Variants in MYT1L observed in about 807,000 individuals in gnomAD.
MYT1L encodes the protein myelin transcription factor 1-like protein.
In MYT1L, 12 loss-of-function variants were observed where a neutral mutation model predicts 126.7. That is an observed-to-expected ratio of 0.09 (90% CI 0.06 to 0.15). The LOEUF (loss-of-function observed/expected upper bound fraction) is 0.15. Ranked by LOEUF, MYT1L falls within the 10% of genes least tolerant of loss-of-function variation. MYT1L has a pLI of 1.00. For synonymous variants in MYT1L, 541 were observed against 604.2 expected, an observed-to-expected ratio of 0.90 and a Z score of 1.53; for missense variants, 979 against 1,585.2, an observed-to-expected ratio of 0.62 and a Z score of 6.49.
At chr2:2,095,299 C>G (rs2077326523) in intron 3 of MYT1L, among the ~76,000 whole-genome samples, 1 of 152,230 alleles carries the variant, frequency 6.6e-6, no homozygotes, top group African/African-American at 2.4e-5. Context: ...TGCCAACTCT[C>G]CTTTCTCTCT....
At chr2:2,251,357 C>G (rs1033159129) in intron 2 of MYT1L, among the ~76,000 whole-genome samples, 58 of 152,318 alleles carry the variant, frequency 3.8e-4, no homozygotes, top group African/African-American at 1.3e-3. Context: ...AGGCTTCACT[C>G]TCCTGCCCTT....
chr2:2,148,352 C>T (rs1009125201), intron 3 of MYT1L, among the ~76,000 whole-genome samples: 2 of 152,182 alleles, frequency 1.3e-5, no homozygotes, highest in Non-Finnish European at 2.9e-5. Context: ...CCCTCCTATG[C>T]TCAGTTCACA....
intron 18 of MYT1L, among the ~76,000 whole-genome samples, chr2:1,875,017 A>G (rs1427939829): frequency 3.3e-5 from 5 of 152,170 alleles, no homozygotes; most frequent in Non-Finnish European, 7.3e-5. Flanking sequence ...TGTTTGGTGC[A>G]GATAAGTATA....
At chr2:2,177,521 A>G (rs2090946042) in intron 2 of MYT1L, among the ~76,000 whole-genome samples, 1 of 152,164 alleles carries the variant, frequency 6.6e-6, no homozygotes, top group Non-Finnish European at 1.5e-5. Flanking sequence ...CTGTTCTCAC[A>G]CTGCTAGAAA....
At position 2,114,648 on chromosome 2, in the gene MYT1L, A is replaced by G. The variant is rs559226932; in HGVS notation, c.-304+58224T>C. ...GATTTTAGTTTACTGTGATATACCC[A>G]TTCTGAAATATAAGAGGTACCCAAT... On this transcript the variant is annotated intron_variant, in intron 3 of 24. Transcript: ENST00000647738. 2.6e-5 allele frequency among the ~76,000 whole-genome samples: 4 copies of G among 152,346 alleles called. No homozygotes were observed. The South Asian group carries it at 8.3e-4, about 32-fold the overall frequency.
chr2:2,135,551 TG>T (rs766428979), intron 3 of MYT1L, among the ~76,000 whole-genome samples: 1 of 152,250 alleles, frequency 6.6e-6, no homozygotes, highest in Non-Finnish European at 1.5e-5. Context: ...TTGACCATTC[TG>T]TCCCAAAGTA....
chr2:1,893,105 T>C (rs2049131439), intron 14 of MYT1L, among the ~76,000 whole-genome samples: 3 of 152,174 alleles, frequency 2.0e-5, no homozygotes, highest in Admixed American at 2.0e-4. Flanking sequence ...CGATTCCCAC[T>C]GCCCAGTAAT....
intron 1 of MYT1L, chr2:2,319,248 C>T (rs1024587859): frequency 2.0e-5 from 3 of 152,162 alleles, no homozygotes; most frequent in Admixed American, 6.5e-5. Flanking sequence ...TAACCTAGGG[C>T]TTCACCATGC....
rs536855502 is a variant in MYT1L, at chr2:2,214,253, C to A, written c.-420-41265G>T. Among the ~76,000 whole-genome samples the A allele has an allele frequency of 4.0e-3, 573 of 144,320 alleles. 3 individuals are homozygous for A. The highest frequency in any genetic ancestry group is 0.014 in the African/African-American group (547 of 39,092). The allele number at this position is 144,320 out of a possible 152,430, so 94.7% of individuals were successfully genotyped here. A position where few individuals can be genotyped will look rare whatever the true frequency, so the allele number is the denominator to read the frequency against. On this transcript the variant is annotated intron_variant, in intron 2 of 24. Transcript: ENST00000647738. ...ACCTAAAAAAAAAAGAAACATGAGA[C>A]AAATTATCTATCTATCTATCTATCT...
At chr2:1,844,183 C>G (rs2042202782) in intron 19 of MYT1L, among the ~76,000 whole-genome samples, 1 of 152,162 alleles carries the variant, frequency 6.6e-6, no homozygotes, top group Non-Finnish European at 1.5e-5. Context: ...GGCCTCTGTT[C>G]CATCCCTAGC....
intron 4 of MYT1L, among the ~76,000 whole-genome samples, chr2:2,048,706 C>G (rs191943606): frequency 2.0e-5 from 3 of 152,264 alleles, no homozygotes; most frequent in Admixed American, 1.3e-4. Flanking sequence ...GATCTGAATC[C>G]CCCTAAGCGG....
intron 2 of MYT1L, among the ~76,000 whole-genome samples, chr2:2,252,543 T>G (rs1209421435): frequency 6.6e-6 from 1 of 152,218 alleles, no homozygotes; most frequent in Non-Finnish European, 1.5e-5. Context: ...TACAGCAGAA[T>G]TCTTATTTTA....
chr2:1,900,330 C>G (rs145771393), intron 14 of MYT1L, among the ~76,000 whole-genome samples: 187 of 151,598 alleles, frequency 1.2e-3, no homozygotes, highest in African/African-American at 4.4e-3. Context: ...GATGGAGTCT[C>G]GCTCTGTTGC....
chr2:1,871,240 C>G (rs12995573), intron 18 of MYT1L, among the ~76,000 whole-genome samples: 2,487 of 152,348 alleles, frequency 0.016, 44 homozygotes, highest in Non-Finnish European at 0.027. Context: ...CTAATTTAAC[C>G]CTTGAAGTGC....
chr2:1,905,481 G>C (rs915450663), intron 13 of MYT1L, among the ~76,000 whole-genome samples: 58 of 151,860 alleles, frequency 3.8e-4, no homozygotes, highest in African/African-American at 1.3e-3. Flanking sequence ...AGCCTCCTGA[G>C]TAGCTGGGAT....
At chr2:2,210,485 G>A (rs2148898592) in intron 2 of MYT1L, among the ~76,000 whole-genome samples, 1 of 152,282 alleles carries the variant, frequency 6.6e-6, no homozygotes, top group East Asian at 1.9e-4. Context: ...TGAAGAGACT[G>A]TCTTTTCCCA....
chr2:2,004,781 G>GGCGTTCTTTCCTGCAA (rs1558703000), intron 4 of MYT1L, among the ~76,000 whole-genome samples: 2 of 126,074 alleles, frequency 1.6e-5, no homozygotes, highest in Non-Finnish European at 3.4e-5. Context: ...CTTTCCTGCA[G>GGCGTTCTTTCCTGCAA]GCATTCTTTC....
At chr2:2,314,350 C>T (rs1036541274) in intron 1 of MYT1L, among the ~76,000 whole-genome samples, 9 of 152,172 alleles carry the variant, frequency 5.9e-5, no homozygotes, top group Admixed American at 4.6e-4. Flanking sequence ...TATCAAATAT[C>T]ATTAAATAAT....
chr2:2,001,060 C>T (rs1337236238), intron 4 of MYT1L, among the ~76,000 whole-genome samples: 2 of 152,054 alleles, frequency 1.3e-5, no homozygotes, highest in South Asian at 2.1e-4. Flanking sequence ...AACCTTTTTT[C>T]ATTCTTAATG....
Sources: gnomAD v4.1 joint callset for allele counts (sites outside exome capture counted in the v4.1 genomes callset) on GRCh38, gnomAD v4.1.1 for gene constraint, MANE v1.5 for transcripts, NCBI Gene and HGNC (gene_info 2026-07-23, HGNC 2026-07-21) for gene names.